Variants in AAK1 observed in about 807,000 individuals in gnomAD.
The protein encoded by AAK1 is AP2-associated protein kinase 1.
In AAK1, 37 loss-of-function variants were observed where a neutral mutation model predicts 116.0. The ratio of observed to expected loss-of-function variants is 0.32; its 90% CI spans 0.25 to 0.42. The LOEUF (loss-of-function observed/expected upper bound fraction) is 0.42. Ranked by LOEUF, AAK1 falls within the 10% of genes least tolerant of loss-of-function variation. AAK1 has a pLI of 1.00. For synonymous variants in AAK1, 458 were observed against 439.9 expected (o/e 1.04, Z -0.51); for missense variants, 919 against 1,170.6 (o/e 0.79, Z 3.14).
At chr2:69,616,614 T>C (rs749632116) in intron 2 of AAK1, among the ~76,000 whole-genome samples, 13 of 152,260 alleles carry the variant, frequency 8.5e-5, no homozygotes, top group East Asian at 1.9e-4. Flanking sequence ...TACAGGATAT[T>C]CACCAGCATC....
intron 3 of AAK1, among the ~76,000 whole-genome samples, chr2:69,556,648 C>T (rs936908528): frequency 4.8e-5 from 6 of 125,382 alleles, no homozygotes; most frequent in Admixed American, 3.4e-4. Context: ...AAAAACTGGT[C>T]AGTTCTCTCA....
At chr2:69,569,904 G>A (rs2105115605) in intron 2 of AAK1, among the ~76,000 whole-genome samples, 1 of 152,144 alleles carries the variant, frequency 6.6e-6, no homozygotes, top group African/African-American at 2.4e-5. Context: ...TTTCAGATTG[G>A]GGCTGTTATA....
At chr2:69,620,251 G>A (rs956889497) in intron 2 of AAK1, among the ~76,000 whole-genome samples, 1 of 152,296 alleles carries the variant, frequency 6.6e-6, no homozygotes, top group South Asian at 2.1e-4. Context: ...GTATCTAAAA[G>A]AATGGAATTG....
At chr2:69,639,098 G>C (rs1445619446) in intron 2 of AAK1, among the ~76,000 whole-genome samples, 1 of 152,140 alleles carries the variant, frequency 6.6e-6, no homozygotes, top group Non-Finnish European at 1.5e-5. Context: ...GTGGACATTT[G>C]GTACTTCTCA....
At chr2:69,587,390 C>CAT (rs1558982747) in intron 2 of AAK1, among the ~76,000 whole-genome samples, 13 of 149,798 alleles carry the variant, frequency 8.7e-5, no homozygotes, top group African/African-American at 3.0e-4. Context: ...TATACACACA[C>CAT]GTGTGTACAT....
intron 13 of AAK1, among the ~76,000 whole-genome samples, 161 bp downstream of exon 13, chr2:69,514,310 C>G (rs1224780718): frequency 6.6e-6 from 1 of 152,232 alleles, no homozygotes; most frequent in African/African-American, 2.4e-5. Flanking sequence ...AACATCCATA[C>G]TATTCTTGGA....
chr2:69,613,898 C>G (rs1020614164), intron 2 of AAK1, among the ~76,000 whole-genome samples: 1 of 152,234 alleles, frequency 6.6e-6, no homozygotes, highest in African/African-American at 2.4e-5. Context: ...TGTAGCTAAC[C>G]TGGTACCAGA....
chr2:69,517,323 G>A (rs1036173824), intron 12 of AAK1, among the ~76,000 whole-genome samples: 2 of 152,142 alleles, frequency 1.3e-5, no homozygotes, highest in Non-Finnish European at 2.9e-5. Flanking sequence ...CAAATGAAGA[G>A]GGAATGTTAG....
chr2:69,522,124 A>C (rs1373680681), intron 10 of AAK1, among the ~76,000 whole-genome samples: 1 of 152,252 alleles, frequency 6.6e-6, no homozygotes, highest in African/African-American at 2.4e-5. Flanking sequence ...CATTTACAGT[A>C]GTCCAGGCAG....
intron 9 of AAK1, among the ~76,000 whole-genome samples, chr2:69,526,509 T>C (rs150771739): frequency 1.3e-5 from 2 of 152,344 alleles, no homozygotes; most frequent in African/African-American, 2.4e-5. Context: ...GGTTTTGCCA[T>C]GTTGGCCAGG....
At position 69,459,375 on chromosome 2, in the gene AAK1, C is replaced by T. The variant is rs150877115; in HGVS notation, c.*16494G>A. The T allele has an allele frequency of 0.04, 6,086 of 152,440 alleles. 162 individuals carry two copies. The highest frequency in any genetic ancestry group is 0.056 in the Non-Finnish European group (3,827 of 68,190). The allele number at this position is 152,440 out of a possible 1,614,324, so 9.4% of individuals were successfully genotyped here. ...GCCTCCCGTGCTCAAGCCATCCTCCCACCTAAGCCTCCCAAGTAGCTGGGA... is the reference window on the plus strand; with the variant it reads ...GCCTCCCGTGCTCAAGCCATCCTCCTACCTAAGCCTCCCAAGTAGCTGGGA... On this transcript the variant is annotated 3_prime_UTR_variant, in exon 22 of 22. Coordinates refer to ENST00000409085, the MANE Select transcript of AAK1 (RefSeq NM_014911.5).
Position 69,528,167 on chromosome 2 carries a change from G to A in AAK1, c.872-848C>T, listed in dbSNP as rs1670097803. ...CAAAGAAGGACTTGGAGAAAGACAA[G>A]AGAATGCCTGCTGCAAGTAAATAGA... On this transcript the variant is annotated intron_variant, in intron 8 of 21. Transcript: ENST00000409085. Among the ~76,000 whole-genome samples the A allele has an allele frequency of 2.6e-5, 4 of 152,230 alleles. No homozygotes were observed. In the South Asian group the frequency reaches 8.3e-4, roughly 31 times the overall value.
rs994083303 is a variant in AAK1 at position 69,469,489 on chromosome 2, G to A, written c.*6380C>T. 3 of 985,290 alleles carry A rather than the reference G, an allele frequency of 3.0e-6. No individual in the cohort carries two copies. The highest frequency in any genetic ancestry group is 1.2e-4 in the Admixed American group (2 of 16,256). The allele number at this position is 985,290 out of a possible 1,614,324, so 61.0% of individuals were successfully genotyped here. A position where few individuals can be genotyped will look rare whatever the true frequency, so the allele number is the denominator to read the frequency against. ...GGTAGCATTGTGTCAACAAGAAAACGTGTTTGAAGCAGTCTCTTTACTAGC... is the reference window on the plus strand; with the variant it reads ...GGTAGCATTGTGTCAACAAGAAAACATGTTTGAAGCAGTCTCTTTACTAGC... On this transcript the variant is annotated 3_prime_UTR_variant, in exon 22 of 22. Coordinates refer to ENST00000409085, the MANE Select transcript of AAK1 (RefSeq NM_014911.5).
chr2:69,560,906 T>C (rs1417824447), intron 2 of AAK1, among the ~76,000 whole-genome samples: 1 of 152,172 alleles, frequency 6.6e-6, no homozygotes, highest in African/African-American at 2.4e-5. Context: ...TACATACAGA[T>C]AGTAGCAGAG....
Position 69,586,744 on chromosome 2 carries a change from T to C in AAK1, c.164-29766A>G, listed in dbSNP as rs573980228. Among the ~76,000 whole-genome samples the C allele has an allele frequency of 9.8e-5, 15 of 152,290 alleles. No individual in the cohort carries two copies. The South Asian group carries it at 2.9e-3, about 29-fold the overall frequency. On this transcript the variant is annotated intron_variant, in intron 2 of 21. Transcript: ENST00000409085. ...CGGGCTCACATTCATTCCATTGTTC[T>C]TTAGACACAGAAAAGTTTCTCAATT...
intron 2 of AAK1, among the ~76,000 whole-genome samples, chr2:69,561,579 C>T (rs112320727): frequency 1.3e-5 from 2 of 152,190 alleles, no homozygotes; most frequent in African/African-American, 4.8e-5. Context: ...GATCCCTCAT[C>T]TTTAGAAATT....
chr2:69,503,149 A>C (rs1320337537), intron 16 of AAK1, among the ~76,000 whole-genome samples: 1 of 152,246 alleles, frequency 6.6e-6, no homozygotes, highest in African/African-American at 2.4e-5. Flanking sequence ...TAAAGAAAAA[A>C]TTGAAACTTC....
rs1045947316 is a variant in AAK1 at position 69,468,914 on chromosome 2, C to T, written c.*6955G>A. On this transcript the variant is annotated 3_prime_UTR_variant, in exon 22 of 22. Coordinates refer to ENST00000409085, the MANE Select transcript of AAK1 (RefSeq NM_014911.5). ...TTCCAACTCAGAGCATATTCTATGACCTTCATGATGAGTACTGGGAAAATC... is the reference window on the plus strand; with the variant it reads ...TTCCAACTCAGAGCATATTCTATGATCTTCATGATGAGTACTGGGAAAATC... 4.1e-6 allele frequency: 4 copies of T among 985,242 alleles called. No individual in the cohort carries two copies. 61.0% of individuals were successfully genotyped at this position (985,242 alleles called of 1,614,324 possible). A position where few individuals can be genotyped will look rare whatever the true frequency, so the allele number is the denominator to read the frequency against.
At chr2:69,581,145 A>T (rs984518915) in intron 2 of AAK1, among the ~76,000 whole-genome samples, 1 of 152,110 alleles carries the variant, frequency 6.6e-6, no homozygotes, top group African/African-American at 2.4e-5. Flanking sequence ...ACGGAATCTC[A>T]CTCTGTCTCC....
Sources: allele counts gnomAD v4.1 joint callset (sites outside exome capture counted in the v4.1 genomes callset), GRCh38; gene constraint gnomAD v4.1.1; transcripts MANE v1.5; gene names NCBI Gene and HGNC (gene_info 2026-07-23, HGNC 2026-07-21).